Variants in ACADSB observed in about 807,000 individuals in gnomAD.
ACADSB encodes the protein short/branched chain specific acyl-CoA dehydrogenase, mitochondrial.
A neutral mutation model predicts 54.1 loss-of-function variants in ACADSB; 40 were observed. The ratio of observed to expected loss-of-function variants is 0.74; its 90% CI spans 0.57 to 0.96. ACADSB has a LOEUF of 0.96. ACADSB is among the 40% of genes least tolerant of loss of function. The pLI is 0.00. For synonymous variants in ACADSB, 182 were observed against 182.8 expected (o/e 1.00, Z 0.03); for missense variants, 530 against 510.4 (o/e 1.04, Z -0.37).
chr10:123,045,163 ATATATATATTTTT>A (rs1169780827), intron 7 of ACADSB, among the ~76,000 whole-genome samples: 1 of 13,218 alleles, frequency 7.6e-5, no homozygotes, highest in East Asian at 7.0e-4. Context: ...ATATATATAT[ATATATATATTTTT>A]TTTTTTTTTT....
chr10:123,043,858 A>T (rs1850512526), intron 6 of ACADSB, among the ~76,000 whole-genome samples: 1 of 151,992 alleles, frequency 6.6e-6, no homozygotes, highest in Admixed American at 6.6e-5. Context: ...ATTATTCTTA[A>T]TTCTTTATTT....
intron 1 of ACADSB, among the ~76,000 whole-genome samples, chr10:123,024,022 C>T (rs1000589607): frequency 6.6e-6 from 1 of 152,180 alleles, no homozygotes; most frequent in Non-Finnish European, 1.5e-5. Context: ...GGCACCAATC[C>T]CACTTTGCAT....
In ACADSB at chr10:123,037,991, A is replaced by C. The variant is rs11599885; in HGVS notation, c.303+144A>C. The C allele has an allele frequency of 0.089, 57,736 of 646,044 alleles. 2,996 individuals carry two copies. The highest frequency in any genetic ancestry group is 0.11 in the Non-Finnish European group (40,957 of 372,436). The allele number at this position is 646,044 out of a possible 1,614,324, so 40.0% of individuals were successfully genotyped here. On this transcript the variant is annotated intron_variant, in intron 3 of 10. Coordinates refer to ENST00000358776, the MANE Select transcript of ACADSB (RefSeq NM_001609.4). ...AATCCTACTTGATATTTATGTACTTAAAAGTTCTTAAAAATGGAATTAACA... is the reference window on the plus strand; with the variant it reads ...AATCCTACTTGATATTTATGTACTTCAAAGTTCTTAAAAATGGAATTAACA...
chr10:123,018,829 A>G (rs1445267733), intron 1 of ACADSB, among the ~76,000 whole-genome samples: 2 of 152,114 alleles, frequency 1.3e-5, no homozygotes, highest in Non-Finnish European at 1.5e-5. Flanking sequence ...AGACTTATTC[A>G]CTATCACGAG....
At position 123,020,019 on chromosome 10, in the gene ACADSB, C is replaced by T. The variant is rs114082392; in HGVS notation, c.42+10948C>T. On this transcript the variant is annotated intron_variant, in intron 1 of 10. Transcript: ENST00000358776. The stretch of plus-strand genomic sequence containing the variant: ...GGAAGGAAAAAAATTTTCATCCACC[C>T]TCTTAGGTTCAGTGACTGGGGCTTG... 7.0e-3 allele frequency among the ~76,000 whole-genome samples: 1,059 copies of T among 152,170 alleles called. 11 individuals carry two copies. The highest frequency in any genetic ancestry group is 0.024 in the African/African-American group (989 of 41,514).
chr10:123,048,584 G>T (rs1850590417), intron 8 of ACADSB, among the ~76,000 whole-genome samples: 1 of 152,038 alleles, frequency 6.6e-6, no homozygotes, highest in Admixed American at 6.5e-5. Flanking sequence ...CTATGTTCTT[G>T]TGCATATAGA....
intron 1 of ACADSB, among the ~76,000 whole-genome samples, chr10:123,033,935 C>T (rs1715108598): frequency 1.3e-5 from 2 of 152,190 alleles, no homozygotes; most frequent in African/African-American, 4.8e-5. Context: ...CTCCCCAGCT[C>T]CCTGGGCCCA....
chr10:123,017,454 A>G (rs1033445919), intron 1 of ACADSB, among the ~76,000 whole-genome samples: 3 of 152,232 alleles, frequency 2.0e-5, no homozygotes, highest in Admixed American at 1.3e-4. Context: ...AGCAGCTGGG[A>G]TTATAGGCAC....
At chr10:123,010,612 C>G (rs1357739746) in intron 1 of ACADSB, among the ~76,000 whole-genome samples, 1 of 152,070 alleles carries the variant, frequency 6.6e-6, no homozygotes, top group Non-Finnish European at 1.5e-5. Context: ...GTTTCCTGGT[C>G]TGTAAATGGA....
At chr10:123,045,838 T>C (rs1166779263) in intron 7 of ACADSB, among the ~76,000 whole-genome samples, 2 of 152,216 alleles carry the variant, frequency 1.3e-5, no homozygotes, top group African/African-American at 4.8e-5. Context: ...GTTTAATTAC[T>C]CCAAGTTATA....
Position 123,056,336 on chromosome 10 carries a change from A to G in ACADSB, c.*2571A>G. ...TCGTACATGGTGGTGGCAAGAGAAA[A>G]TGAAGAAGAAGCAAAAGTGGAAACC... On this transcript the variant is annotated 3_prime_UTR_variant, in exon 11 of 11. Coordinates refer to ENST00000358776, the MANE Select transcript of ACADSB (RefSeq NM_001609.4). 1 of 235,206 alleles carries G rather than the reference A, an allele frequency of 4.3e-6. No individual in the cohort carries two copies. Among genetic ancestry groups the G allele is most frequent in the Non-Finnish European group, 8.4e-6 (1 of 119,676 alleles). 14.6% of individuals were successfully genotyped at this position (235,206 alleles called of 1,614,324 possible).
At position 123,053,752 on chromosome 10, in the gene ACADSB, A is replaced by G; in HGVS notation, c.1286A>G (p.Asp429Gly). The change falls in exon 11 of 11, where the codon GAT becomes GGT. Residue 429 changes from aspartate (D) to glycine (G), a missense_variant. Transcript: ENST00000358776. ...IQLNTIAKHI[D>G]AEY ...TTGAACACCATTGCAAAGCATATCGATGCAGAATACTGACGTCTATAGGAG... is the reference window on the plus strand; with the variant it reads ...TTGAACACCATTGCAAAGCATATCGGTGCAGAATACTGACGTCTATAGGAG... The G allele has an allele frequency of 1.2e-6, 2 of 1,613,976 alleles. No individual in the cohort carries two copies. The highest frequency in any genetic ancestry group is 1.1e-5 in the South Asian group (1 of 91,080).
chr10:123,039,186 T>A (rs1265458310), intron 3 of ACADSB, among the ~76,000 whole-genome samples: 1 of 152,248 alleles, frequency 6.6e-6, no homozygotes, highest in Non-Finnish European at 1.5e-5. Flanking sequence ...CGAGTCATTG[T>A]AATGAGGTTT....
intron 1 of ACADSB, among the ~76,000 whole-genome samples, chr10:123,025,651 T>C (rs1850241880): frequency 6.6e-6 from 1 of 151,668 alleles, no homozygotes; most frequent in African/African-American, 2.4e-5. Flanking sequence ...GAAAAAGAAA[T>C]TGAATAGAAA....
At chr10:123,041,059 T>G (rs1850466192) in intron 4 of ACADSB, 150 bp from the exon 5 acceptor site, 5 of 898,636 alleles carry the variant, frequency 5.6e-6, no homozygotes, top group African/African-American at 1.7e-5. Flanking sequence ...AAATAATACT[T>G]TCAGAATACC....
intron 1 of ACADSB, among the ~76,000 whole-genome samples, 198 bp downstream of exon 1, chr10:123,009,269 AG>A (rs1849965123): frequency 6.6e-6 from 1 of 152,090 alleles, no homozygotes; most frequent in Admixed American, 6.5e-5. Context: ...GCTGGTGGCA[AG>A]GGGGTCGGGG....
intron 1 of ACADSB, among the ~76,000 whole-genome samples, chr10:123,015,266 GAC>G (rs1157855635): frequency 1.3e-5 from 2 of 152,210 alleles, no homozygotes; most frequent in Admixed American, 1.3e-4. Flanking sequence ...TAACCATAAA[GAC>G]ACTCTCCCTG....
intron 3 of ACADSB, among the ~76,000 whole-genome samples, chr10:123,039,531 G>A (rs1485852652): frequency 6.6e-6 from 1 of 152,192 alleles, no homozygotes; most frequent in Non-Finnish European, 1.5e-5. Context: ...CCAGGCCCTC[G>A]TGCTTTGGCT....
At chr10:123,018,694 G>A (rs755789145) in intron 1 of ACADSB, among the ~76,000 whole-genome samples, 2 of 152,166 alleles carry the variant, frequency 1.3e-5, no homozygotes, top group African/African-American at 4.8e-5. Flanking sequence ...GCAGTTCCAC[G>A]TGGCTGACGA....
Sources: allele counts gnomAD v4.1 joint callset (sites outside exome capture counted in the v4.1 genomes callset), GRCh38; gene constraint gnomAD v4.1.1; transcripts MANE v1.5; gene names NCBI Gene and HGNC (gene_info 2026-07-23, HGNC 2026-07-21).